SPIRE2: variants seen among roughly 807,000 people sequenced by gnomAD.
The protein encoded by SPIRE2 is spire type actin nucleation factor 2, also known as protein spire homolog 2.
SPIRE2 carries 76 observed loss-of-function variants against 80.7 expected under a neutral mutation model. That is an observed-to-expected ratio of 0.94 (90% CI 0.78 to 1.14). SPIRE2 has a LOEUF of 1.14. Among genes scored for constraint, SPIRE2 ranks in the 50% most tolerant of loss-of-function variants. The pLI, the probability that SPIRE2 is intolerant of heterozygous loss-of-function variation, is 0.00. For missense variants in SPIRE2, 1,196 were observed against 1,015.3 expected (o/e 1.18, Z -2.42); for synonymous variants, 535 against 432.6 (o/e 1.24, Z -2.94).
chr16:89,857,491 TAGTTTAC>T (rs2041701695), intron 7 of SPIRE2, among the ~76,000 whole-genome samples: 1 of 152,122 alleles, frequency 6.6e-6, no homozygotes, highest in Non-Finnish European at 1.5e-5. Flanking sequence ...CCACTCTACA[TAGTTTAC>T]AATAGTATGA....
Position 89,865,514 on chromosome 16 carries a change from T to G in SPIRE2, c.1778+1653T>G, listed in dbSNP as rs552449643. On this transcript the variant is annotated intron_variant, in intron 12 of 14. Transcript: ENST00000378247. ...GATAAGATGGGACCATAAACAGTAA[T>G]TAATCCAAAAAAAGGTAGGAAAAGA... Among the ~76,000 whole-genome samples the G allele has an allele frequency of 1.4e-4, 21 of 152,002 alleles. 1 individual carries two copies. In the East Asian group the frequency reaches 3.9e-3, roughly 28 times the overall value.
intron 1 of SPIRE2, among the ~76,000 whole-genome samples, chr16:89,842,927 G>T (rs1003164346): frequency 6.6e-6 from 1 of 152,212 alleles, no homozygotes; most frequent in South Asian, 2.1e-4. Flanking sequence ...TTTATCTTTG[G>T]CAATCTTCCT....
At position 89,863,485 on chromosome 16, in the gene SPIRE2, C is replaced by T; in HGVS notation, c.1585C>T (p.His529Tyr). ...DAKHLWLEFS[H>Y]PVESLALTVE... The stretch of plus-strand genomic sequence containing the variant: ...TGAGGCCGTCCCCTAGGAGTTCAGC[C>T]ACCCCGTGGAGAGCCTGGCGCTGAC... Residue 529 changes from histidine (H) to tyrosine (Y), a missense_variant, in exon 11 of 15, where the codon CAC becomes TAC. Coordinates refer to ENST00000378247, the MANE Select transcript of SPIRE2 (RefSeq NM_032451.2). This position sits in a 1 kb window ranked among gnomAD's most constrained non-coding sequence, Gnocchi z 4.3. 1 of 1,614,018 alleles carries T rather than the reference C, an allele frequency of 6.2e-7. No homozygotes were observed. Among genetic ancestry groups the T allele is most frequent in the Non-Finnish European group, 8.5e-7 (1 of 1,180,012 alleles).
chr16:89,848,037 C>A (rs962572273), intron 2 of SPIRE2, among the ~76,000 whole-genome samples: 8 of 152,206 alleles, frequency 5.3e-5, no homozygotes, highest in African/African-American at 1.9e-4. Flanking sequence ...AGGGACAGCA[C>A]GAGCTGAGGC....
chr16:89,867,646 G>A (rs193279191), intron 12 of SPIRE2, among the ~76,000 whole-genome samples: 5 of 149,932 alleles, frequency 3.3e-5, no homozygotes, highest in East Asian at 3.9e-4. Context: ...GTGCAGTGGC[G>A]TGATCTCAGC....
intron 1 of SPIRE2, among the ~76,000 whole-genome samples, chr16:89,837,553 C>T (rs2041461982): frequency 6.6e-6 from 1 of 152,218 alleles, no homozygotes; most frequent in Admixed American, 6.5e-5. Context: ...GTGGGGTCCC[C>T]TTAGGGCTCA....
Position 89,828,676 on chromosome 16 carries a change from C to G in SPIRE2, c.126C>G (p.Ala42=), listed in dbSNP as rs983859713. The stretch of plus-strand genomic sequence containing the variant: ...CGCTCAACGAGGAGCAGGCGTGGGC[C>G]GTGTGCTTCCAGGGCTGCCGCGGGC... The part of the protein sequence containing the change: ...EQPLNEEQAW[A]VCFQGCRGLR... Residue 42 remains alanine, a synonymous_variant, in exon 1 of 15, where the codon GCC becomes GCG. Coordinates refer to ENST00000378247, the MANE Select transcript of SPIRE2 (RefSeq NM_032451.2). This position sits in a 1 kb window ranked among gnomAD's most constrained non-coding sequence, Gnocchi z 5.9. 1.9e-5 allele frequency: 25 copies of G among 1,341,562 alleles called. No homozygotes were observed. Among genetic ancestry groups the G allele is most frequent in the Non-Finnish European group, 2.3e-5 (24 of 1,038,972 alleles). 83.1% of individuals were successfully genotyped at this position (1,341,562 alleles called of 1,614,324 possible). A position where few individuals can be genotyped will look rare whatever the true frequency, so the allele number is the denominator to read the frequency against.
intron 2 of SPIRE2, 200 bp downstream of exon 2, chr16:89,845,565 G>C (rs2041550991): frequency 2.8e-6 from 2 of 709,360 alleles, no homozygotes; most frequent in African/African-American, 1.7e-5. Flanking sequence ...CCGCCGGGGT[G>C]GGGAGGGTCC....
intron 7 of SPIRE2, among the ~76,000 whole-genome samples, chr16:89,856,537 C>T (rs910697897): frequency 6.6e-6 from 1 of 151,902 alleles, no homozygotes; most frequent in African/African-American, 2.4e-5. Context: ...CTCCGCCCCC[C>T]GGGTTCAAGT....
intron 1 of SPIRE2, among the ~76,000 whole-genome samples, chr16:89,840,071 C>T (rs973449160): frequency 1.3e-5 from 2 of 152,118 alleles, no homozygotes; most frequent in African/African-American, 2.4e-5. Context: ...CCCACCAAAC[C>T]CCTTGTCGGG....
At chr16:89,830,874 T>A (rs2041372853) in intron 1 of SPIRE2, among the ~76,000 whole-genome samples, 1 of 150,286 alleles carries the variant, frequency 6.7e-6, no homozygotes, top group Non-Finnish European at 1.5e-5. Flanking sequence ...GACTTCCTAA[T>A]CTTTACTCTG....
In SPIRE2 at chr16:89,863,756, T is replaced by G. The variant is rs1291779377; in HGVS notation, c.1711-38T>G. The G allele has an allele frequency of 3.1e-6, 5 of 1,612,224 alleles. No homozygotes were observed. The highest frequency in any genetic ancestry group is 2.2e-5 in the South Asian group (2 of 91,042). ...GGACAGGGCGGGACCCCAGGGAGCT[T>G]TGGACAAAGCGGGGCTCTAACCAGT... On this transcript the variant is annotated intron_variant, in intron 11 of 14. Transcript: ENST00000378247. The surrounding 1 kb of genome is among the most constrained non-coding windows in gnomAD (Gnocchi z 4.3).
In SPIRE2 at chr16:89,870,864, T is replaced by C. The variant is rs2041833753; in HGVS notation, c.*592T>C. 6.5e-6 allele frequency: 1 copy of C among 154,036 alleles called. No homozygotes were observed. Among genetic ancestry groups the C allele is most frequent in the Non-Finnish European group, 1.4e-5 (1 of 69,260 alleles). The allele number at this position is 154,036 out of a possible 1,614,324, so 9.5% of individuals were successfully genotyped here. A position where few individuals can be genotyped will look rare whatever the true frequency, so the allele number is the denominator to read the frequency against. ...ACTTTGGGAGGCCGAGGAGGGAGGA[T>C]CACCTGAGGTCAGGAGTTTGAGACC... On this transcript the variant is annotated 3_prime_UTR_variant, in exon 15 of 15. Transcript: ENST00000378247.
chr16:89,850,430 G>C lies in SPIRE2; in HGVS notation c.415G>C (p.Asp139His), dbSNP rs775438193. Residue 139 changes from aspartate (D) to histidine (H), a missense_variant, in exon 3 of 15, where the codon GAC (aspartate) becomes CAC (histidine). Asp to His is a moderately conservative substitution (Grantham distance 81). Transcript: ENST00000378247. Reference sequence around the variant, plus strand: ...CCTCATGGCCAACAACGACAGCGAGGACAGCGGCTGCGGTGCCGCCGATGA... The same window carrying C: ...CCTCATGGCCAACAACGACAGCGAGCACAGCGGCTGCGGTGCCGCCGATGA... ...IDLMANNDSE[D>H]SGCGAADEGY... 77 of 1,580,420 alleles carry C rather than the reference G, an allele frequency of 4.9e-5. 1 individual carries two copies. Among genetic ancestry groups the C allele is most frequent in the Non-Finnish European group, 6.5e-5 (76 of 1,165,118 alleles).
In SPIRE2 at chr16:89,855,679, T is replaced by C. The variant is rs1160366757; in HGVS notation, c.971T>C (p.Leu324Pro). The C allele has an allele frequency of 4.3e-6, 7 of 1,612,748 alleles. No individual in the cohort carries two copies. The highest frequency in any genetic ancestry group is 5.9e-6 in the Non-Finnish European group (7 of 1,179,910). The change falls in exon 6 of 15, where the codon CTG becomes CCG. Residue 324 changes from leucine to proline, a missense_variant. Transcript: ENST00000378247. ...ILDFIRSRPP[L>P]KQVSERRLRP... Reference sequence around the variant, plus strand: ...GACTTTATCCGCTCACGGCCTCCACTGAAGCAGGTGCTGCCCCAGCCTCCT... The same window carrying C: ...GACTTTATCCGCTCACGGCCTCCACCGAAGCAGGTGCTGCCCCAGCCTCCT...
intron 12 of SPIRE2, among the ~76,000 whole-genome samples, chr16:89,864,350 G>T (rs1043902558): frequency 6.6e-6 from 1 of 152,096 alleles, no homozygotes; most frequent in Non-Finnish European, 1.5e-5. Flanking sequence ...CCTCAGAGAA[G>T]GTCCCCCTCT....
At chr16:89,869,053 A>AAATATATATATATATATATATAT in intron 13 of SPIRE2, among the ~76,000 whole-genome samples, 1 of 24,030 alleles carries the variant, frequency 4.2e-5, no homozygotes, top group African/African-American at 1.6e-4. Context: ...AAAAAAAAAA[A>AAATATATATATATATATATATAT]ATATATATAT....
At chr16:89,832,347 A>G (rs2041394031) in intron 1 of SPIRE2, among the ~76,000 whole-genome samples, 1 of 152,218 alleles carries the variant, frequency 6.6e-6, no homozygotes. Flanking sequence ...CCTTTATTTT[A>G]AAATAGCAGT....
At chr16:89,859,707 G>A (rs970529370) in intron 9 of SPIRE2, among the ~76,000 whole-genome samples, 1 of 152,156 alleles carries the variant, frequency 6.6e-6, no homozygotes, top group East Asian at 1.9e-4. Flanking sequence ...GTGGGGAGCC[G>A]GCTGGGCTCG....
Sources: gnomAD v4.1 joint callset for allele counts (sites outside exome capture counted in the v4.1 genomes callset) on GRCh38, gnomAD v4.1.1 for gene constraint, Gnocchi (gnomAD v3.1) non-coding constraint, MANE v1.5 for transcripts, NCBI Gene and HGNC (gene_info 2026-07-23, HGNC 2026-07-21) for gene names.